Variants in DLGAP1 observed in about 807,000 individuals in gnomAD.
DLGAP1 encodes disks large-associated protein 1.
A neutral mutation model predicts 90.8 loss-of-function variants in DLGAP1; 11 were observed. The observed-to-expected ratio is 0.12, with a 90% CI of 0.08 to 0.20. DLGAP1 has a LOEUF of 0.20. Among genes scored for constraint, DLGAP1 ranks in the 10% least tolerant of loss-of-function variants. DLGAP1 has a pLI of 1.00. For synonymous variants in DLGAP1, 558 were observed against 540.7 expected, an observed-to-expected ratio of 1.03 and a Z score of -0.44; for missense variants, 1,050 against 1,333.8, an observed-to-expected ratio of 0.79 and a Z score of 3.31.
intron 4 of DLGAP1, among the ~76,000 whole-genome samples, chr18:3,865,163 C>G (rs1397595185): frequency 6.6e-6 from 1 of 152,092 alleles, no homozygotes; most frequent in Non-Finnish European, 1.5e-5. Flanking sequence ...TAGTTTACTT[C>G]CTAATCATTT....
intron 3 of DLGAP1, among the ~76,000 whole-genome samples, chr18:4,004,820 A>C: frequency 6.6e-6 from 1 of 152,032 alleles, no homozygotes; most frequent in East Asian, 1.9e-4. Flanking sequence ...TATTGTGTGC[A>C]TTGACATTTT....
Position 3,879,886 on chromosome 18 carries a change from G to A in DLGAP1, c.183C>T (p.Phe61=), listed in dbSNP as rs1334861873. ...AGGTGCTGCTGGCCAGCGGGTCGCT[G>A]AAGGGGCCCACGCACTCAGCCTGGA... ...NSFQAECVGP[F]SDPLASSTFP... Residue 61 remains phenylalanine, a synonymous_variant, in exon 4 of 13, where the codon TTC becomes TTT. Coordinates refer to ENST00000315677, the MANE Select transcript of DLGAP1 (RefSeq NM_004746.4). The surrounding 1 kb of genome is among the most constrained non-coding windows in gnomAD (Gnocchi z 6.6). 7 of 1,611,710 alleles carry A rather than the reference G, an allele frequency of 4.3e-6. No individual in the cohort carries two copies. The highest frequency in any genetic ancestry group is 3.3e-4 in the Middle Eastern group (2 of 6,062).
intron 1 of DLGAP1, among the ~76,000 whole-genome samples, chr18:4,343,658 G>C (rs1270719435): frequency 6.6e-6 from 1 of 152,030 alleles, no homozygotes; most frequent in Non-Finnish European, 1.5e-5. Flanking sequence ...GGGGGGTCGG[G>C]GGCTAGGGGA....
chr18:3,691,825 TG>T (rs2060907826), intron 7 of DLGAP1, among the ~76,000 whole-genome samples: 2 of 151,880 alleles, frequency 1.3e-5, no homozygotes, highest in Admixed American at 1.3e-4. Context: ...GAGGCTGAGA[TG>T]GGCAGACTGC....
intron 2 of DLGAP1, among the ~76,000 whole-genome samples, chr18:4,089,367 G>GCCATA (rs757984208): frequency 6.6e-6 from 1 of 152,108 alleles, no homozygotes; most frequent in Non-Finnish European, 1.5e-5. Flanking sequence ...TGTGAAAATG[G>GCCATA]CCATACTGCC....
chr18:3,890,770 C>T (rs2148855864), intron 3 of DLGAP1, among the ~76,000 whole-genome samples: 1 of 152,114 alleles, frequency 6.6e-6, no homozygotes, highest in Non-Finnish European at 1.5e-5. Context: ...GCTGTATCAC[C>T]CAAGGTGGAG....
chr18:3,637,619 C>G lies in DLGAP1; in HGVS notation c.1592-55371G>C, dbSNP rs193214402. ...AAAATTAGCCGGGCATGGTGGCATG[C>G]ACCTATAGTCCCAGCTACTCAAGAC... On this transcript the variant is annotated intron_variant, in intron 7 of 12. Transcript: ENST00000315677. Among the ~76,000 whole-genome samples the G allele has an allele frequency of 4.1e-4, 61 of 150,588 alleles. 1 individual carries two copies. Among genetic ancestry groups the G allele is most frequent in the African/African-American group, 1.4e-3 (58 of 40,930 alleles).
chr18:3,806,384 C>A (rs1465622676), intron 5 of DLGAP1, among the ~76,000 whole-genome samples: 2 of 152,160 alleles, frequency 1.3e-5, no homozygotes, highest in Non-Finnish European at 2.9e-5. Context: ...TTTTGCCATT[C>A]TTAGACTCGT....
At chr18:4,274,466 C>T (rs549230048) in intron 1 of DLGAP1, among the ~76,000 whole-genome samples, 1 of 149,394 alleles carries the variant, frequency 6.7e-6, no homozygotes, top group African/African-American at 2.6e-5. Context: ...TCTTCCCTCT[C>T]ACTTTGGACA....
chr18:4,436,139 A>G (rs1005152638), intron 1 of DLGAP1, among the ~76,000 whole-genome samples: 1 of 152,204 alleles, frequency 6.6e-6, no homozygotes, highest in African/African-American at 2.4e-5. Context: ...AAGCAGATAA[A>G]CATGGTCATA....
chr18:4,212,006 C>T (rs767414034), intron 1 of DLGAP1, among the ~76,000 whole-genome samples: 5 of 152,228 alleles, frequency 3.3e-5, no homozygotes, highest in South Asian at 2.1e-4. Flanking sequence ...GTTTTGTATG[C>T]GTTTTTGAAA....
chr18:4,156,248 G>A (rs915860718), intron 1 of DLGAP1, among the ~76,000 whole-genome samples: 6 of 152,172 alleles, frequency 3.9e-5, no homozygotes, highest in South Asian at 2.1e-4. Flanking sequence ...ATACAACACC[G>A]GAATGTGGGA....
rs1336571010 is a variant in DLGAP1 at position 3,618,608 on chromosome 18, T to C, written c.1592-36360A>G. On this transcript the variant is annotated intron_variant, in intron 7 of 12. Transcript: ENST00000315677. The stretch of plus-strand genomic sequence containing the variant: ...TTTTGGAGGCTTCTTTGACCTTTTC[T>C]GCCTTTTTCCCAACCCTAACCCAAC... 3.3e-5 allele frequency among the ~76,000 whole-genome samples: 5 copies of C among 149,896 alleles called. No homozygotes were observed. The Admixed American group carries it at 3.4e-4, about 10-fold the overall frequency.
At chr18:3,612,847 C>T (rs1313211364) in intron 7 of DLGAP1, among the ~76,000 whole-genome samples, 2 of 148,750 alleles carry the variant, frequency 1.3e-5, no homozygotes. Flanking sequence ...AGTCCATTTC[C>T]TTTTTTTTTT....
chr18:3,959,669 A>AAAGAAAGAAAGAAAGAAAG (rs1555714889), intron 3 of DLGAP1, among the ~76,000 whole-genome samples: 113 of 149,318 alleles, frequency 7.6e-4, no homozygotes, highest in Middle Eastern at 6.8e-3. Context: ...GTCTCAAAAA[A>AAAGAAAGAAAGAAAGAAAG]AAAGAAAGAA....
At chr18:3,875,239 A>T (rs188230168) in intron 4 of DLGAP1, among the ~76,000 whole-genome samples, 26 of 152,324 alleles carry the variant, frequency 1.7e-4, no homozygotes, top group African/African-American at 6.3e-4. Flanking sequence ...GTAATAAAAT[A>T]AAAAATACGC....
Position 3,674,141 on chromosome 18 carries a change from C to T in DLGAP1, c.1591+54994G>A, listed in dbSNP as rs116062082. Among the ~76,000 whole-genome samples the T allele has an allele frequency of 4.5e-3, 685 of 151,858 alleles. 8 individuals carry two copies. The highest frequency in any genetic ancestry group is 0.016 in the African/African-American group (645 of 41,432). On this transcript the variant is annotated intron_variant, in intron 7 of 12. Coordinates refer to ENST00000315677, the MANE Select transcript of DLGAP1 (RefSeq NM_004746.4). The stretch of plus-strand genomic sequence containing the variant: ...ACAAGAGTGAGCCACCATGCCTGGC[C>T]GATTGCTACTCTTAAAACTGCTGCC...
intron 2 of DLGAP1, among the ~76,000 whole-genome samples, chr18:4,062,622 T>C (rs2075314870): frequency 6.6e-6 from 1 of 152,186 alleles, no homozygotes. Flanking sequence ...TGGCAAATAA[T>C]TATTTTTGCC....
chr18:3,926,496 A>T (rs201609460), intron 3 of DLGAP1, among the ~76,000 whole-genome samples: 21 of 30,624 alleles, frequency 6.9e-4, no homozygotes, highest in African/African-American at 2.6e-3. Context: ...TATGTATATA[A>T]ATATATATGC....
Sources: allele counts gnomAD v4.1 joint callset (sites outside exome capture counted in the v4.1 genomes callset), GRCh38; gene constraint gnomAD v4.1.1; non-coding constraint Gnocchi (gnomAD v3.1); transcripts MANE v1.5; gene names NCBI Gene and HGNC (gene_info 2026-07-23, HGNC 2026-07-21).